ZNF813: variants seen among roughly 807,000 people sequenced by gnomAD.
The protein encoded by ZNF813 is zinc finger protein 813.
Under a neutral mutation model 7.2 loss-of-function variants are expected in ZNF813, and 3 were observed. The observed-to-expected ratio is 0.42, with a 90% CI of 0.19 to 1.08. The LOEUF (loss-of-function observed/expected upper bound fraction) is 1.08. Among genes scored for constraint, ZNF813 ranks in the 50% least tolerant of loss-of-function variants. ZNF813 has a pLI of 0.30. For missense variants in ZNF813, 714 were observed against 753.3 expected (o/e 0.95, Z 0.61); for synonymous variants, 227 against 256.3 (o/e 0.89, Z 1.09).
chr19:53,485,156 T>C (rs1268336545), intron 2 of ZNF813, among the ~76,000 whole-genome samples: 1 of 152,158 alleles, frequency 6.6e-6, no homozygotes, highest in African/African-American at 2.4e-5. Flanking sequence ...AAAAATTAGC[T>C]GAGCACACCT....
In ZNF813 at chr19:53,491,072, C is replaced by G. The variant is rs756005724; in HGVS notation, c.840C>G (p.Phe280Leu). The G allele has an allele frequency of 9.9e-6, 16 of 1,613,700 alleles. No homozygotes were observed. In the Admixed American group the frequency reaches 2.7e-4, roughly 27 times the overall value. ...PYRCNECGKT[F>L]SQTYSLTCHR... The stretch of plus-strand genomic sequence containing the variant: ...GGTGTAATGAGTGTGGCAAGACTTT[C>G]AGTCAGACGTATTCCCTTACATGCC... The change falls in exon 4 of 4, where the codon TTC (phenylalanine) becomes TTG (leucine). Residue 280 changes from phenylalanine to leucine, a missense_variant. This residue lies in a region of ZNF813 where 563 missense variants were observed against 554.2 expected (regional missense o/e 1.02). Transcript: ENST00000396403.
At chr19:53,481,753 T>G (rs1447585772) in intron 1 of ZNF813, among the ~76,000 whole-genome samples, 2 of 152,206 alleles carry the variant, frequency 1.3e-5, no homozygotes, top group Non-Finnish European at 2.9e-5. Flanking sequence ...ACTTCTGTGT[T>G]TTATAAATGT....
In ZNF813 at chr19:53,477,790, C is replaced by T. The variant is rs571937360; in HGVS notation, c.-73-5960C>T. The stretch of plus-strand genomic sequence containing the variant: ...GAGCCGAGATCATGCCACTGCCCTC[C>T]AGCCTGGTCAACAGAGTGAGACCCT... On this transcript the variant is annotated intron_variant, in intron 1 of 3. Transcript: ENST00000396403. 1.9e-4 allele frequency among the ~76,000 whole-genome samples: 29 copies of T among 152,310 alleles called. 1 individual carries two copies. The South Asian group carries it at 5.4e-3, about 28-fold the overall frequency.
In ZNF813 at chr19:53,492,661, C is replaced by T; in HGVS notation, c.*575C>T. ...GATTGTCACCAAGTCTTCAGTAACG[C>T]TACAACCATTGCAAATCATTGGAGA... On this transcript the variant is annotated 3_prime_UTR_variant, in exon 4 of 4. Transcript: ENST00000396403. The T allele has an allele frequency of 1.2e-6, 1 of 829,316 alleles. No homozygotes were observed. Among genetic ancestry groups the T allele is most frequent in the Non-Finnish European group, 1.9e-6 (1 of 529,526 alleles). The allele number at this position is 829,316 out of a possible 1,614,324, so 51.4% of individuals were successfully genotyped here.
chr19:53,472,637 A>C (rs1369708094), intron 1 of ZNF813, among the ~76,000 whole-genome samples: 2 of 85,178 alleles, frequency 2.3e-5, no homozygotes, highest in Non-Finnish European at 4.6e-5. Context: ...TTTGAGATGG[A>C]GTTTCACTCT....
intron 3 of ZNF813, among the ~76,000 whole-genome samples, chr19:53,488,786 C>G (rs1256828617): frequency 6.6e-6 from 1 of 152,032 alleles, no homozygotes; most frequent in Non-Finnish European, 1.5e-5. Context: ...ATGTAGTGAT[C>G]TTAACATGTA....
intron 1 of ZNF813, chr19:53,480,065 A>C (rs1196206633): frequency 1.3e-6 from 1 of 762,776 alleles, no homozygotes; most frequent in Non-Finnish European, 2.4e-6. Context: ...GCTGGACCAG[A>C]CTCTGCTTGA....
rs748745508 is a variant in ZNF813, at chr19:53,491,118, G to A, written c.886G>A (p.Glu296Lys). 205 of 1,614,032 alleles carry A rather than the reference G, an allele frequency of 1.3e-4. No individual in the cohort carries two copies. Among genetic ancestry groups the A allele is most frequent in the Non-Finnish European group, 1.6e-4 (185 of 1,180,020 alleles). The change falls in exon 4 of 4, where the codon GAG becomes AAG. Residue 296 changes from glutamate (E) to lysine (K), a missense_variant. Glu to Lys is a moderately conservative substitution (Grantham distance 56). Around this residue, in one of 3 missense-constraint regions of ZNF813, gnomAD observed 563 missense variants for 554.2 expected, o/e 1.02. Transcript: ENST00000396403. ...LTCHRRLHTG[E>K]KPYKCEECDK... ...ATGCCATCGTAGACTTCATACTGGAGAGAAACCTTACAAATGTGAAGAATG... is the reference window on the plus strand; with the variant it reads ...ATGCCATCGTAGACTTCATACTGGAAAGAAACCTTACAAATGTGAAGAATG...
chr19:53,495,947 A>C lies in ZNF813; in HGVS notation c.*3861A>C. 2.9e-6 allele frequency: 1 copy of C among 350,390 alleles called. No individual in the cohort carries two copies. Among genetic ancestry groups the C allele is most frequent in the East Asian group, 7.5e-5 (1 of 13,318 alleles). 21.7% of individuals were successfully genotyped at this position (350,390 alleles called of 1,614,324 possible). A position where few individuals can be genotyped will look rare whatever the true frequency, so the allele number is the denominator to read the frequency against. ...CAAGAAACAAAAGCAAAATCATTCC[A>C]TTCCCCCAGTGGATTCAGATCAAAA... On this transcript the variant is annotated 3_prime_UTR_variant, in exon 4 of 4. Transcript: ENST00000396403.
Position 53,493,526 on chromosome 19 carries a change from A to G in ZNF813, c.*1440A>G, listed in dbSNP as rs1170257159. On this transcript the variant is annotated 3_prime_UTR_variant, in exon 4 of 4. Transcript: ENST00000396403. Reference sequence around the variant, plus strand: ...ACAAACTTCTCATCTTTTTGCTTTTATTCCTAAGTATTTCTTACTTTAAGT... The same window carrying G: ...ACAAACTTCTCATCTTTTTGCTTTTGTTCCTAAGTATTTCTTACTTTAAGT... The G allele has an allele frequency of 6.7e-6, 1 of 149,664 alleles. No individual in the cohort carries two copies. The highest frequency in any genetic ancestry group is 6.6e-5 in the Admixed American group (1 of 15,116). The allele number at this position is 149,664 out of a possible 1,614,324, so 9.3% of individuals were successfully genotyped here.
At position 53,468,745 on chromosome 19, in the gene ZNF813, C is replaced by T. The variant is rs2086340999; in HGVS notation, c.-74+956C>T. ...TGCCAGCATATCTCGCCTCCAGCCA[C>T]AGGGCGGTTTTCTCCTATCTCAGAA... On this transcript the variant is annotated intron_variant, in intron 1 of 3. Transcript: ENST00000396403. 3.3e-5 allele frequency among the ~76,000 whole-genome samples: 5 copies of T among 152,304 alleles called. No individual in the cohort carries two copies. The South Asian group carries it at 1.0e-3, about 32-fold the overall frequency.
rs775779839 is a variant in ZNF813 at position 53,495,962 on chromosome 19, T to G, written c.*3876T>G. The G allele has an allele frequency of 1.4e-4, 50 of 364,084 alleles. No individual in the cohort carries two copies. The highest frequency in any genetic ancestry group is 1.1e-3 in the Middle Eastern group (1 of 920). 22.6% of individuals were successfully genotyped at this position (364,084 alleles called of 1,614,324 possible). ...AAATCATTCCATTCCCCCAGTGGAT[T>G]CAGATCAAAACTGGTAATAAAATCA... On this transcript the variant is annotated 3_prime_UTR_variant, in exon 4 of 4. Coordinates refer to ENST00000396403, the MANE Select transcript of ZNF813 (RefSeq NM_001004301.4).
At chr19:53,484,382 G>GTT (rs1421457782) in intron 2 of ZNF813, among the ~76,000 whole-genome samples, 2 of 152,128 alleles carry the variant, frequency 1.3e-5, no homozygotes, top group Non-Finnish European at 2.9e-5. Context: ...GATAGAAGAT[G>GTT]TTTTATCCCA....
chr19:53,486,637 A>G lies in ZNF813; in HGVS notation c.21A>G (p.Leu7=), dbSNP rs772429423. 2 of 1,614,014 alleles carry G rather than the reference A, an allele frequency of 1.2e-6. No homozygotes were observed. Among genetic ancestry groups the G allele is most frequent in the Non-Finnish European group, 1.7e-6 (2 of 1,179,938 alleles). The part of the protein sequence containing the change: MALPQG[L]LTFRDVAIEF... ...AAAATGTGTTTTCATTTCAGGGTCTATTGACATTCAGGGATGTGGCCATAG... is the reference window on the plus strand; with the variant it reads ...AAAATGTGTTTTCATTTCAGGGTCTGTTGACATTCAGGGATGTGGCCATAG... Residue 7 remains leucine (L), a synonymous_variant, in exon 3 of 4, where the codon CTA becomes CTG. Transcript: ENST00000396403.
rs576224042 is a variant in ZNF813, at chr19:53,490,859, C to T, written c.627C>T (p.His209=). The T allele has an allele frequency of 4.3e-6, 7 of 1,614,190 alleles. No homozygotes were observed. In the East Asian group the frequency reaches 1.1e-4, roughly 26 times the overall value. ...TACTCACACAAAAACAGGAGGTACA[C>T]ATGAGAGAAAAGTCTTTCCAATGTA... ...SSLLTQKQEV[H]MREKSFQCNE... is the part of the protein sequence containing the mutation. The change falls in exon 4 of 4, where the codon CAC becomes CAT. Residue 209 remains histidine, a synonymous_variant. Transcript: ENST00000396403.
At chr19:53,475,352 C>CAGAA (rs2086377188) in intron 1 of ZNF813, among the ~76,000 whole-genome samples, 1 of 152,260 alleles carries the variant, frequency 6.6e-6, no homozygotes, top group African/African-American at 2.4e-5. Context: ...TCTTCTAGCA[C>CAGAA]AGAACTACTT....
intron 1 of ZNF813, among the ~76,000 whole-genome samples, chr19:53,468,254 C>A (rs1568824739): frequency 6.8e-6 from 1 of 147,066 alleles, no homozygotes; most frequent in East Asian, 2.2e-4. Flanking sequence ...CCTGCCGGGC[C>A]CTGCTGCTTC....
In ZNF813 at chr19:53,493,233, C is replaced by T; in HGVS notation, c.*1147C>T. Reference sequence around the variant, plus strand: ...AACATGAGCCACTTTTCCCAGTTTGCTTTTTGTTCTTTAACAAAAACTGAT... The same window carrying T: ...AACATGAGCCACTTTTCCCAGTTTGTTTTTTGTTCTTTAACAAAAACTGAT... On this transcript the variant is annotated 3_prime_UTR_variant, in exon 4 of 4. Transcript: ENST00000396403. 5.5e-6 allele frequency: 1 copy of T among 182,572 alleles called. No homozygotes were observed. The highest frequency in any genetic ancestry group is 1.2e-5 in the Non-Finnish European group (1 of 86,898). 11.3% of individuals were successfully genotyped at this position (182,572 alleles called of 1,614,324 possible). A position where few individuals can be genotyped will look rare whatever the true frequency, so the allele number is the denominator to read the frequency against.
chr19:53,491,633 C>G lies in ZNF813; in HGVS notation c.1401C>G (p.Tyr467Ter). ...CTATTCATATTGGAGAGAAACGTTA[C>G]AAGTGTAATGAGTGTGGCAAGACGT... ...HKAIHIGEKR[Y>*]KCNECGKTFS... Residue 467 changes from tyrosine (Y) to a stop codon, truncating the protein, a stop_gained, in exon 4 of 4, where the codon TAC becomes TAG. Transcript: ENST00000396403. LOFTEE classifies it low-confidence loss of function (END_TRUNC). 6.2e-7 allele frequency: 1 copy of G among 1,613,848 alleles called. No homozygotes were observed. The highest frequency in any genetic ancestry group is 8.5e-7 in the Non-Finnish European group (1 of 1,179,846).
Sources: allele counts gnomAD v4.1 joint callset (sites outside exome capture counted in the v4.1 genomes callset), GRCh38; gene constraint gnomAD v4.1.1; regional missense constraint gnomAD v4.1.1; transcripts MANE v1.5; gene names NCBI Gene and HGNC (gene_info 2026-07-23, HGNC 2026-07-21).